Variants in RIMS2 observed in about 807,000 individuals in gnomAD.
RIMS2 encodes the protein regulating synaptic membrane exocytosis 2, also known as regulating synaptic membrane exocytosis protein 2.
In RIMS2, 59 loss-of-function variants were observed where a neutral mutation model predicts 174.4. That is an observed-to-expected ratio of 0.34 (90% CI 0.27 to 0.42). RIMS2 has a LOEUF of 0.42. Among genes scored for constraint, RIMS2 ranks in the 10% least tolerant of loss-of-function variants. The pLI, the probability that RIMS2 is intolerant of heterozygous loss-of-function variation, is 1.00. For missense variants in RIMS2, 1,620 were observed against 1,666.3 expected, an observed-to-expected ratio of 0.97 and a Z score of 0.48; for synonymous variants, 606 against 572.5, an observed-to-expected ratio of 1.06 and a Z score of -0.84.
At chr8:103,520,461 A>G (rs993758442) in intron 1 of RIMS2, among the ~76,000 whole-genome samples, 1 of 152,104 alleles carries the variant, frequency 6.6e-6, no homozygotes, top group African/African-American at 2.4e-5. Flanking sequence ...ATAACAGCAA[A>G]TTGCTCTCTT....
intron 19 of RIMS2, among the ~76,000 whole-genome samples, chr8:104,189,607 A>AATATAT (rs543361079): frequency 3.4e-5 from 5 of 147,470 alleles, no homozygotes; most frequent in African/African-American, 1.2e-4. Context: ...TATTTATGTA[A>AATATAT]ATATATATAT....
rs201019003 is a variant in RIMS2 at position 103,587,409 on chromosome 8, G to GAAGAAAGAAAGAAAGA, written c.176+86394_176+86409dup. Among the ~76,000 whole-genome samples, 431 of 117,142 alleles carry GAAGAAAGAAAGAAAGA rather than the reference G, an allele frequency of 3.7e-3. 5 individuals are homozygous for GAAGAAAGAAAGAAAGA. The highest frequency in any genetic ancestry group is 7.7e-3 in the Middle Eastern group (2 of 260). 76.8% of individuals were successfully genotyped at this position (117,142 alleles called of 152,430 possible). On this transcript the variant is annotated intron_variant, in intron 1 of 23. Coordinates refer to ENST00000504942, the Ensembl canonical transcript of RIMS2. ...CCAAAGACACATCAGGAAGAAAAAA[G>GAAGAAAGAAAGAAAGA]AAGAAAGAAAGAAAGAAAGAAAGAA...
rs573958921 is a variant in RIMS2, at chr8:103,619,315, AGAT to A, written c.177-77767_177-77765del. Reference sequence around the variant, plus strand: ...TTTTTAAAAACTAAGCTAAAATTCTAGATGATATCAACATTGTGGTTGAGGGAG... The same window carrying A: ...TTTTTAAAAACTAAGCTAAAATTCTAGATATCAACATTGTGGTTGAGGGAG... On this transcript the variant is annotated intron_variant, in intron 1 of 23. Transcript: ENST00000504942. Among the ~76,000 whole-genome samples, 580 of 152,166 alleles carry A rather than the reference AGAT, an allele frequency of 3.8e-3. 6 individuals are homozygous for A. Among genetic ancestry groups the A allele is most frequent in the Middle Eastern group, 3.4e-3 (1 of 294 alleles).
chr8:103,954,289 C>G lies in RIMS2; in HGVS notation c.2702-6776C>G, dbSNP rs554588404. On this transcript the variant is annotated intron_variant, in intron 14 of 23. Coordinates refer to ENST00000504942, the Ensembl canonical transcript of RIMS2. ...TACAGAACTCTCCACCCCACATCAA[C>G]AGAATATACATTCTTCTCAGCACCA... Among the ~76,000 whole-genome samples, 40 of 152,338 alleles carry G rather than the reference C, an allele frequency of 2.6e-4. 1 individual carries two copies. The Middle Eastern group carries it at 0.01, about 39-fold the overall frequency.
chr8:103,656,135 A>G (rs2096528889), intron 1 of RIMS2, among the ~76,000 whole-genome samples: 1 of 152,100 alleles, frequency 6.6e-6, no homozygotes, highest in Non-Finnish European at 1.5e-5. Flanking sequence ...AGAGGAGAAG[A>G]TTTAGAAGTT....
chr8:103,543,492 G>A (rs1262796422), intron 1 of RIMS2, among the ~76,000 whole-genome samples: 1 of 152,032 alleles, frequency 6.6e-6, no homozygotes, highest in Admixed American at 6.5e-5. Flanking sequence ...TTTCACAGAA[G>A]CAGAAAAACA....
intron 19 of RIMS2, among the ~76,000 whole-genome samples, chr8:104,198,512 T>C (rs755892584): frequency 8.5e-5 from 13 of 152,180 alleles, no homozygotes; most frequent in Non-Finnish European, 1.3e-4. Flanking sequence ...CAATAACCAA[T>C]GGGTACCCAG....
intron 1 of RIMS2, among the ~76,000 whole-genome samples, chr8:103,632,595 A>G (rs994730610): frequency 6.9e-6 from 1 of 145,954 alleles, no homozygotes; most frequent in African/African-American, 2.6e-5. Context: ...TAATTTTTGT[A>G]TTTTTGGTAG....
chr8:103,803,928 C>T (rs576061702), intron 3 of RIMS2, among the ~76,000 whole-genome samples: 3 of 152,266 alleles, frequency 2.0e-5, no homozygotes, highest in East Asian at 1.9e-4. Context: ...CAGAAATAAA[C>T]GTGGTCCAGT....
chr8:103,821,274 T>G (rs1354972027), intron 3 of RIMS2, among the ~76,000 whole-genome samples: 1 of 151,738 alleles, frequency 6.6e-6, no homozygotes, highest in Non-Finnish European at 1.5e-5. Flanking sequence ...AAAGCTCTCA[T>G]TAAAATCTGG....
intron 1 of RIMS2, among the ~76,000 whole-genome samples, chr8:103,511,066 T>A (rs1826222184): frequency 6.6e-6 from 1 of 152,234 alleles, no homozygotes; most frequent in Admixed American, 6.5e-5. Context: ...CTATAGTTTA[T>A]AATACTATAT....
chr8:104,134,665 C>A (rs1004417717), intron 19 of RIMS2, among the ~76,000 whole-genome samples: 1 of 152,168 alleles, frequency 6.6e-6, no homozygotes. Context: ...TGATTAGGCA[C>A]AAATAAGATT....
chr8:104,198,060 C>T (rs911970518), intron 19 of RIMS2, among the ~76,000 whole-genome samples: 1 of 151,926 alleles, frequency 6.6e-6, no homozygotes, highest in Non-Finnish European at 1.5e-5. Context: ...AACCAATAAG[C>T]CTTTTTATGG....
At chr8:104,020,725 A>C (rs1410170822) in intron 19 of RIMS2, among the ~76,000 whole-genome samples, 5 of 152,024 alleles carry the variant, frequency 3.3e-5, no homozygotes, top group Non-Finnish European at 1.5e-5. Context: ...TTAAAGTAGA[A>C]GTTTAAAGTA....
intron 19 of RIMS2, among the ~76,000 whole-genome samples, chr8:104,158,467 C>T (rs555351612): frequency 4.3e-4 from 66 of 152,274 alleles, no homozygotes; most frequent in African/African-American, 1.2e-3. Context: ...CTTGAGGAAT[C>T]GCCACACTGT....
intron 2 of RIMS2, among the ~76,000 whole-genome samples, chr8:103,764,724 C>G (rs1222546407): frequency 6.6e-6 from 1 of 152,082 alleles, no homozygotes; most frequent in Admixed American, 6.6e-5. Context: ...GAACATACAT[C>G]TTGGCTTAAT....
At chr8:103,972,466 A>C (rs1194398715) in intron 15 of RIMS2, among the ~76,000 whole-genome samples, 1 of 152,104 alleles carries the variant, frequency 6.6e-6, no homozygotes, top group South Asian at 2.1e-4. Context: ...AAGTTAAATC[A>C]TGCACAATTT....
chr8:104,110,660 A>G (rs1405927597), intron 19 of RIMS2, among the ~76,000 whole-genome samples: 1 of 152,188 alleles, frequency 6.6e-6, no homozygotes, highest in African/African-American at 2.4e-5. Context: ...TGAGCTATGA[A>G]TACTTAGAAA....
intron 1 of RIMS2, among the ~76,000 whole-genome samples, chr8:103,520,041 G>A (rs962375929): frequency 1.3e-5 from 2 of 152,044 alleles, no homozygotes; most frequent in Non-Finnish European, 2.9e-5. Flanking sequence ...ATATAAGGAA[G>A]GGCTTTGGCA....
Sources: gnomAD v4.1 joint callset for allele counts (sites outside exome capture counted in the v4.1 genomes callset) on GRCh38, gnomAD v4.1.1 for gene constraint, MANE v1.5 for transcripts, NCBI Gene and HGNC (gene_info 2026-07-23, HGNC 2026-07-21) for gene names.